The following PTPN2 variants were observed in gnomAD, a reference collection of about 807,000 sequenced individuals.
PTPN2 encodes the protein protein tyrosine phosphatase non-receptor type 2, also known as tyrosine-protein phosphatase non-receptor type 2.
A neutral mutation model predicts 57.3 loss-of-function variants in PTPN2; 19 were observed. The observed-to-expected ratio is 0.33, with a 90% CI of 0.23 to 0.49. The LOEUF (loss-of-function observed/expected upper bound fraction) is 0.49. Among genes scored for constraint, PTPN2 ranks in the 20% least tolerant of loss-of-function variants. PTPN2 has a pLI of 0.99. For missense variants in PTPN2, 358 were observed against 501.1 expected, an observed-to-expected ratio of 0.71 and a Z score of 2.73; for synonymous variants, 153 against 164.9, an observed-to-expected ratio of 0.93 and a Z score of 0.55.
At chr18:12,852,025 TG>T (rs1372449009) in intron 2 of PTPN2, among the ~76,000 whole-genome samples, 9 of 152,076 alleles carry the variant, frequency 5.9e-5, no homozygotes, top group African/African-American at 1.9e-4. Flanking sequence ...AGCAGAATGC[TG>T]GCTGCCAGGG....
chr18:12,813,380 G>A (rs1381466634), intron 7 of PTPN2, among the ~76,000 whole-genome samples: 1 of 152,140 alleles, frequency 6.6e-6, no homozygotes, highest in Non-Finnish European at 1.5e-5. Context: ...GCGTATTTTG[G>A]CTCTGAGTGC....
chr18:12,820,244 A>G (rs190946371), intron 5 of PTPN2, among the ~76,000 whole-genome samples: 8 of 151,150 alleles, frequency 5.3e-5, no homozygotes, highest in Admixed American at 5.2e-4. Context: ...GATTTTTGAA[A>G]ATCAGTTGTT....
At chr18:12,835,639 G>A (rs886324702) in intron 3 of PTPN2, among the ~76,000 whole-genome samples, 12 of 152,102 alleles carry the variant, frequency 7.9e-5, no homozygotes, top group African/African-American at 2.7e-4. Context: ...GCCTCCCAAA[G>A]TGCTGGGATT....
chr18:12,816,359 G>C (rs1051773606), intron 6 of PTPN2, among the ~76,000 whole-genome samples: 1 of 152,118 alleles, frequency 6.6e-6, no homozygotes, highest in East Asian at 1.9e-4. Flanking sequence ...AAACTGCTTA[G>C]GTTATTGATA....
chr18:12,794,210 C>G lies in PTPN2; in HGVS notation c.*68G>C. ...TGGGATATGAGGCGTTTGCTGCAGA[C>G]AAACCCCTATGATTAATGTAGCACT... On this transcript the variant is annotated 3_prime_UTR_variant, in exon 9 of 9. Coordinates refer to ENST00000309660, the MANE Select transcript of PTPN2 (RefSeq NM_002828.4). 1 of 1,596,224 alleles carries G rather than the reference C, an allele frequency of 6.3e-7. No individual in the cohort carries two copies. The highest frequency in any genetic ancestry group is 1.1e-5 in the South Asian group (1 of 88,146).
chr18:12,824,777 G>A (rs1173703026), intron 5 of PTPN2, among the ~76,000 whole-genome samples: 1 of 152,154 alleles, frequency 6.6e-6, no homozygotes, highest in Non-Finnish European at 1.5e-5. Flanking sequence ...CAGTTCATAT[G>A]TTTCTGGGGA....
chr18:12,870,273 G>GTGTGTA (rs1387363838), intron 1 of PTPN2, among the ~76,000 whole-genome samples: 3 of 81,750 alleles, frequency 3.7e-5, no homozygotes, highest in African/African-American at 1.4e-4. Flanking sequence ...ATATATATAT[G>GTGTGTA]TATATATATA....
chr18:12,872,775 T>C (rs1184421211), intron 1 of PTPN2, among the ~76,000 whole-genome samples: 3 of 152,248 alleles, frequency 2.0e-5, no homozygotes, highest in Admixed American at 2.0e-4. Flanking sequence ...ATTTCACTGT[T>C]AAGTCAAAAC....
chr18:12,849,562 AAAAT>A, intron 2 of PTPN2, among the ~76,000 whole-genome samples: 1 of 151,580 alleles, frequency 6.6e-6, no homozygotes, highest in African/African-American at 2.4e-5. Flanking sequence ...CCTGTCTCAA[AAAAT>A]AAATAAATAA....
downstream of PTPN2, among the ~76,000 whole-genome samples, chr18:12,788,975 AT>A (rs370741472): frequency 4.9e-3 from 749 of 152,302 alleles, 11 homozygotes; most frequent in African/African-American, 0.017. Context: ...AAAAGCTTAA[AT>A]TCTCAAATCT....
chr18:12,789,016 G>A (rs920889653), downstream of PTPN2, among the ~76,000 whole-genome samples: 1 of 152,178 alleles, frequency 6.6e-6, no homozygotes, highest in Admixed American at 6.5e-5. Context: ...TGTATTGGGA[G>A]CAGGCACACA....
chr18:12,820,167 G>A (rs993901240), intron 5 of PTPN2, among the ~76,000 whole-genome samples: 2 of 152,102 alleles, frequency 1.3e-5, no homozygotes, highest in African/African-American at 2.4e-5. Context: ...ACGCTGTCTG[G>A]GATATTGGAA....
chr18:12,819,392 A>C, intron 5 of PTPN2: 1 of 548,378 alleles, frequency 1.8e-6, no homozygotes, highest in Non-Finnish European at 3.1e-6. Context: ...GCCAGACTAA[A>C]GGCTATATAC....
At chr18:12,821,343 C>A (rs1285765913) in intron 5 of PTPN2, 1 of 152,214 alleles carries the variant, frequency 6.6e-6, no homozygotes, top group Non-Finnish European at 1.5e-5. Flanking sequence ...CACCAATTGC[C>A]TTTATTGTGG....
At chr18:12,831,064 G>C in intron 3 of PTPN2, 23 bp from the exon 4 acceptor site, 1 of 1,501,622 alleles carries the variant, frequency 6.7e-7, no homozygotes, top group Non-Finnish European at 9.3e-7. Flanking sequence ...AGGAGAGAGA[G>C]CAGATGAGGG....
intron 1 of PTPN2, among the ~76,000 whole-genome samples, chr18:12,865,758 C>T (rs188628201): frequency 1.3e-5 from 2 of 151,574 alleles, no homozygotes; most frequent in African/African-American, 2.4e-5. Flanking sequence ...ACCCAGGAGG[C>T]GGAGGTTGCA....
chr18:12,827,355 A>AAT (rs1555668907), intron 4 of PTPN2, among the ~76,000 whole-genome samples: 18 of 143,448 alleles, frequency 1.3e-4, no homozygotes, highest in East Asian at 4.1e-4. Flanking sequence ...AAAAAAAAAA[A>AAT]AATAATAATA....
intron 7 of PTPN2, among the ~76,000 whole-genome samples, chr18:12,812,002 T>G (rs2041906585): frequency 6.6e-6 from 1 of 152,198 alleles, no homozygotes; most frequent in Non-Finnish European, 1.5e-5. Flanking sequence ...GTTAAAAGTT[T>G]ATCATTTACA....
At chr18:12,823,261 T>A (rs990857830) in intron 5 of PTPN2, among the ~76,000 whole-genome samples, 4 of 150,138 alleles carry the variant, frequency 2.7e-5, no homozygotes, top group African/African-American at 1.0e-4. Flanking sequence ...TGCTAGCAAC[T>A]AAAACAGAGT....
Sources: allele counts gnomAD v4.1 joint callset (sites outside exome capture counted in the v4.1 genomes callset), GRCh38; gene constraint gnomAD v4.1.1; transcripts MANE v1.5; gene names NCBI Gene and HGNC (gene_info 2026-07-23, HGNC 2026-07-21).